POU6F2: variants seen among roughly 807,000 people sequenced by gnomAD.
POU6F2 encodes the protein POU domain, class 6, transcription factor 2.
A neutral mutation model predicts 71.3 loss-of-function variants in POU6F2; 31 were observed. That is an observed-to-expected ratio of 0.43 (90% CI 0.33 to 0.59). The LOEUF is 0.59. POU6F2 is among the 20% of genes least tolerant of loss of function. POU6F2 has a pLI of 0.04. For synonymous variants in POU6F2, 347 were observed against 355.7 expected, an observed-to-expected ratio of 0.98 and a Z score of 0.27; for missense variants, 783 against 856.8, an observed-to-expected ratio of 0.91 and a Z score of 1.07.
chr7:39,018,338 G>T (rs1318569831), intron 1 of POU6F2, among the ~76,000 whole-genome samples: 5 of 152,180 alleles, frequency 3.3e-5, no homozygotes, highest in African/African-American at 1.2e-4. Context: ...TTGGTTTGCA[G>T]AGCATACAAG....
In POU6F2 at chr7:39,207,504, G is replaced by C. The variant is rs1352708920; in HGVS notation, c.482G>C (p.Gly161Ala). ...LIPFNMAGQLGGQQGLVLTLP... is the reference protein window; with the variant it reads ...LIPFNMAGQLAGQQGLVLTLP... ...CCCTTCAACATGGCGGGACAGCTAGGAGGCCAGCAAGGACTGGTTCTCACA... is the reference window on the plus strand; with the variant it reads ...CCCTTCAACATGGCGGGACAGCTAGCAGGCCAGCAAGGACTGGTTCTCACA... Residue 161 changes from glycine to alanine, a missense_variant, in exon 4 of 10, where the codon GGA becomes GCA. By Grantham distance (60) the Gly-to-Ala change is moderately conservative. Coordinates refer to ENST00000518318, the MANE Select transcript of POU6F2 (RefSeq NM_001370959.1). 4 of 1,614,006 alleles carry C rather than the reference G, an allele frequency of 2.5e-6. 1 individual carries two copies. The highest frequency in any genetic ancestry group is 1.1e-5 in the South Asian group (1 of 91,088).
chr7:39,354,072 G>C (rs1786204463), intron 5 of POU6F2, among the ~76,000 whole-genome samples: 1 of 152,212 alleles, frequency 6.6e-6, no homozygotes. Context: ...ATTTTTCCTG[G>C]CTTGCTCTGA....
intron 7 of POU6F2, among the ~76,000 whole-genome samples, chr7:39,448,439 G>A (rs1788576276): frequency 6.6e-6 from 1 of 152,172 alleles, no homozygotes; most frequent in Non-Finnish European, 1.5e-5. Context: ...CTAGAGGTAA[G>A]CAGAACCCCA....
intron 4 of POU6F2, among the ~76,000 whole-genome samples, chr7:39,337,664 A>C (rs1367913624): frequency 6.6e-6 from 1 of 152,156 alleles, no homozygotes; most frequent in Non-Finnish European, 1.5e-5. Context: ...TTTTCATGTT[A>C]GTGTGTAGGT....
At chr7:39,406,998 T>C (rs1333206347) in intron 6 of POU6F2, among the ~76,000 whole-genome samples, 2 of 152,144 alleles carry the variant, frequency 1.3e-5, no homozygotes, top group Non-Finnish European at 2.9e-5. Flanking sequence ...TATGACCTTA[T>C]ATGAAGAAGT....
At chr7:39,373,809 G>A (rs1190242808) in intron 5 of POU6F2, 1 of 181,864 alleles carries the variant, frequency 5.5e-6, no homozygotes, top group Non-Finnish European at 1.2e-5. Flanking sequence ...CCTCTATAAT[G>A]CCCATACTCT....
intron 3 of POU6F2, among the ~76,000 whole-genome samples, chr7:39,206,055 G>T (rs937996792): frequency 1.3e-5 from 2 of 152,192 alleles, no homozygotes; most frequent in Non-Finnish European, 2.9e-5. Context: ...TATCTCATTG[G>T]TAGATTAACT....
chr7:39,324,113 A>G (rs1318631753), intron 4 of POU6F2, among the ~76,000 whole-genome samples: 1 of 152,056 alleles, frequency 6.6e-6, no homozygotes. Flanking sequence ...ATCTCAAAAA[A>G]AAAAAAAGAA....
chr7:39,252,805 A>G (rs1174995387), intron 4 of POU6F2, among the ~76,000 whole-genome samples: 1 of 152,120 alleles, frequency 6.6e-6, no homozygotes, highest in Non-Finnish European at 1.5e-5. Context: ...GAACTCCTTG[A>G]ACCACTATGT....
At chr7:39,362,496 T>C (rs1375909482) in intron 5 of POU6F2, among the ~76,000 whole-genome samples, 3 of 152,142 alleles carry the variant, frequency 2.0e-5, no homozygotes, top group Non-Finnish European at 2.9e-5. Flanking sequence ...CCTCATCCTC[T>C]AGGGAACTTT....
At chr7:39,386,501 G>C (rs1001233526) in intron 5 of POU6F2, among the ~76,000 whole-genome samples, 3 of 152,194 alleles carry the variant, frequency 2.0e-5, no homozygotes, top group African/African-American at 7.2e-5. Context: ...AGTGAGATGA[G>C]AGATGAGTTG....
chr7:39,437,604 T>C (rs1275497920), intron 7 of POU6F2, among the ~76,000 whole-genome samples: 1 of 152,162 alleles, frequency 6.6e-6, no homozygotes, highest in Non-Finnish European at 1.5e-5. Flanking sequence ...TGGAAGGGTT[T>C]TTCTTGTCTC....
chr7:38,995,309 C>T (rs556564809), intron 1 of POU6F2, among the ~76,000 whole-genome samples: 9 of 152,308 alleles, frequency 5.9e-5, no homozygotes, highest in African/African-American at 2.2e-4. Context: ...AATTTGACCT[C>T]TGAAACTTGT....
chr7:39,208,516 A>G (rs1441781602), intron 4 of POU6F2, among the ~76,000 whole-genome samples: 1 of 152,196 alleles, frequency 6.6e-6, no homozygotes, highest in Non-Finnish European at 1.5e-5. Flanking sequence ...TAGCTGGTCA[A>G]ATGTTAGGGC....
chr7:39,459,782 A>G (rs1459961262), intron 8 of POU6F2, among the ~76,000 whole-genome samples: 1 of 151,890 alleles, frequency 6.6e-6, no homozygotes, highest in Admixed American at 6.5e-5. Flanking sequence ...TCCAGGGATC[A>G]GTAGCCAGGG....
intron 1 of POU6F2, chr7:38,984,995 T>A (rs1019189909): frequency 7.9e-5 from 12 of 152,142 alleles, no homozygotes; most frequent in African/African-American, 2.9e-4. Context: ...CAGATTTTTT[T>A]AAAGGAAGTA....
intron 2 of POU6F2, among the ~76,000 whole-genome samples, chr7:39,107,852 G>A (rs1791724242): frequency 6.6e-6 from 1 of 152,114 alleles, no homozygotes. Flanking sequence ...TCCCCAAGAA[G>A]ACTCCACCAG....
intron 4 of POU6F2, among the ~76,000 whole-genome samples, chr7:39,239,830 A>T (rs1783689826): frequency 6.6e-6 from 1 of 152,172 alleles, no homozygotes; most frequent in Non-Finnish European, 1.5e-5. Flanking sequence ...TTCTAAAGAC[A>T]GTAGCCTATA....
chr7:39,066,239 C>CAG (rs770926867), intron 1 of POU6F2, among the ~76,000 whole-genome samples: 7 of 151,746 alleles, frequency 4.6e-5, no homozygotes, highest in Non-Finnish European at 1.0e-4. Context: ...CCTGACAAAG[C>CAG]TAATCTCTCT....
Sources: allele counts gnomAD v4.1 joint callset (sites outside exome capture counted in the v4.1 genomes callset), GRCh38; gene constraint gnomAD v4.1.1; transcripts MANE v1.5; gene names NCBI Gene and HGNC (gene_info 2026-07-23, HGNC 2026-07-21).